Variants in PAK1 observed in about 807,000 individuals in gnomAD.
PAK1 encodes p21 (RAC1) activated kinase 1, also known as serine/threonine-protein kinase PAK 1.
Under a neutral mutation model 67.4 loss-of-function variants are expected in PAK1, and 29 were observed. The ratio of observed to expected loss-of-function variants is 0.43; its 90% CI spans 0.32 to 0.59. The LOEUF is 0.59. PAK1 is among the 20% of genes least tolerant of loss of function. The pLI, the probability that PAK1 is intolerant of heterozygous loss-of-function variation, is 0.07. For missense variants in PAK1, 337 were observed against 670.7 expected (o/e 0.50, Z 5.50); for synonymous variants, 223 against 237.4 (o/e 0.94, Z 0.56).
rs542840442 is a variant in PAK1 at position 77,416,736 on chromosome 11, G to A, written c.-21-24195C>T. Among the ~76,000 whole-genome samples the A allele has an allele frequency of 4.6e-5, 7 of 152,294 alleles. No individual in the cohort carries two copies. In the East Asian group the frequency reaches 7.7e-4, roughly 17 times the overall value. ...TGGGAGGCCAAGGTGGGCGGATCAC[G>A]AAGTCAGGAGATCAAGACCATCCTG... On this transcript the variant is annotated intron_variant, in intron 1 of 14. Coordinates refer to ENST00000356341, the MANE Select transcript of PAK1 (RefSeq NM_002576.5).
At chr11:77,333,782 CTAATT>C (rs1942164964) in intron 13 of PAK1, among the ~76,000 whole-genome samples, 1 of 152,158 alleles carries the variant, frequency 6.6e-6, no homozygotes, top group Non-Finnish European at 1.5e-5. Context: ...TAAGCACTGT[CTAATT>C]TAATGGCCAC....
At chr11:77,331,008 T>A (rs1941375147) in intron 14 of PAK1, among the ~76,000 whole-genome samples, 1 of 152,136 alleles carries the variant, frequency 6.6e-6, no homozygotes, top group Non-Finnish European at 1.5e-5. Context: ...AAGAAGACAT[T>A]TACATAGCCA....
chr11:77,420,561 TC>T (rs1193933515), intron 1 of PAK1, among the ~76,000 whole-genome samples: 2 of 152,226 alleles, frequency 1.3e-5, no homozygotes, highest in East Asian at 3.8e-4. Flanking sequence ...CATTTTTTAC[TC>T]CACTTTTTGT....
chr11:77,422,070 C>T (rs1011806162), intron 1 of PAK1, among the ~76,000 whole-genome samples: 1 of 152,062 alleles, frequency 6.6e-6, no homozygotes, highest in African/African-American at 2.4e-5. Context: ...CAGAGAAGTC[C>T]CAAACACTTA....
intron 4 of PAK1, among the ~76,000 whole-genome samples, chr11:77,376,375 G>C (rs1486146677): frequency 2.0e-5 from 3 of 152,160 alleles, no homozygotes; most frequent in Non-Finnish European, 4.4e-5. Flanking sequence ...TGGCAAAATA[G>C]GGCTAAGACC....
chr11:77,495,346 T>A, the PAK1 span, among the ~76,000 whole-genome samples: 1 of 148,626 alleles, frequency 6.7e-6, no homozygotes, highest in Non-Finnish European at 1.5e-5. Flanking sequence ...CGGTGGTGCA[T>A]GACTGTAATC....
chr11:77,462,155 T>C (rs1454881448), intron 1 of PAK1, among the ~76,000 whole-genome samples: 1 of 151,526 alleles, frequency 6.6e-6, no homozygotes, highest in African/African-American at 2.4e-5. Flanking sequence ...TGAAACCCCT[T>C]CTCTACTAAA....
chr11:77,424,575 T>G (rs779052763), intron 1 of PAK1, among the ~76,000 whole-genome samples: 1 of 152,256 alleles, frequency 6.6e-6, no homozygotes, highest in Non-Finnish European at 1.5e-5. Flanking sequence ...ACTCCAGCAT[T>G]AAATTCTGAG....
chr11:77,326,630 G>A (rs982394238), intron 14 of PAK1, among the ~76,000 whole-genome samples: 1 of 152,174 alleles, frequency 6.6e-6, no homozygotes, highest in Non-Finnish European at 1.5e-5. Context: ...AGGCTACAGT[G>A]AGCCATGATT....
intron 1 of PAK1, among the ~76,000 whole-genome samples, chr11:77,429,027 G>A (rs1299267584): frequency 8.7e-6 from 1 of 114,512 alleles, no homozygotes; most frequent in Non-Finnish European, 1.7e-5. Context: ...CTAGGAACCA[G>A]ATTTTGGATT....
At chr11:77,502,134 C>T in the PAK1 span, among the ~76,000 whole-genome samples, 1 of 152,162 alleles carries the variant, frequency 6.6e-6, no homozygotes, top group African/African-American at 2.4e-5. Flanking sequence ...TGAGACTATA[C>T]TGTAAATACA....
chr11:77,344,523 G>A (rs568182461), intron 9 of PAK1, among the ~76,000 whole-genome samples: 13 of 152,296 alleles, frequency 8.5e-5, no homozygotes, highest in South Asian at 6.2e-4. Context: ...TATGGTATAC[G>A]TTAGTTTCTA....
At chr11:77,494,514 C>T in the PAK1 span, among the ~76,000 whole-genome samples, 2 of 151,724 alleles carry the variant, frequency 1.3e-5, no homozygotes, top group Non-Finnish European at 2.9e-5. Context: ...AGGTACATGC[C>T]ACTGCACCTG....
chr11:77,344,264 T>C (rs897646185), intron 9 of PAK1, among the ~76,000 whole-genome samples: 2 of 152,156 alleles, frequency 1.3e-5, no homozygotes, highest in Admixed American at 6.5e-5. Flanking sequence ...AAAATACTTT[T>C]AAAAAGTCAC....
intron 1 of PAK1, among the ~76,000 whole-genome samples, chr11:77,397,813 A>G (rs1327131467): frequency 1.3e-5 from 2 of 152,216 alleles, no homozygotes; most frequent in Non-Finnish European, 2.9e-5. Flanking sequence ...ATCCAACCTG[A>G]CTGCCTAATG....
chr11:77,392,642 CT>C (rs1951283636), intron 1 of PAK1, 101 bp from the exon 2 acceptor site: 1 of 855,810 alleles, frequency 1.2e-6, no homozygotes, highest in African/African-American at 1.7e-5. Context: ...ACAGCCCTTC[CT>C]TCAGGGTCTA....
rs537936878 is a variant in PAK1, at chr11:77,360,674, T to C, written c.478-1657A>G. ...CCTCAGTAAAAGATTCTGTTTTCCATAGGTGATAGCTTTGGGCAGTGATAT... is the reference window on the plus strand; with the variant it reads ...CCTCAGTAAAAGATTCTGTTTTCCACAGGTGATAGCTTTGGGCAGTGATAT... On this transcript the variant is annotated intron_variant, in intron 5 of 14. Coordinates refer to ENST00000356341, the MANE Select transcript of PAK1 (RefSeq NM_002576.5). 5.9e-4 allele frequency among the ~76,000 whole-genome samples: 90 copies of C among 152,298 alleles called. 1 individual carries two copies. Among genetic ancestry groups the C allele is most frequent in the Non-Finnish European group, 4.9e-4 (33 of 68,018 alleles).
the PAK1 span, among the ~76,000 whole-genome samples, chr11:77,484,005 C>T: frequency 2.0e-5 from 3 of 152,026 alleles, no homozygotes; most frequent in Non-Finnish European, 4.4e-5. Flanking sequence ...CAGATTCTCT[C>T]TTTCTCTGGA....
chr11:77,526,876 A>G, the PAK1 span, among the ~76,000 whole-genome samples: 1 of 151,432 alleles, frequency 6.6e-6, no homozygotes, highest in South Asian at 2.1e-4. Flanking sequence ...AGATCACACC[A>G]CTGCAGTCCA....
Sources: allele counts gnomAD v4.1 joint callset (sites outside exome capture counted in the v4.1 genomes callset), GRCh38; gene constraint gnomAD v4.1.1; transcripts MANE v1.5; gene names NCBI Gene and HGNC (gene_info 2026-07-23, HGNC 2026-07-21).